Variants in CNTN4 observed in about 807,000 individuals in gnomAD.
CNTN4 encodes the protein contactin 4, also known as contactin-4.
CNTN4 carries 77 observed loss-of-function variants against 122.5 expected under a neutral mutation model. The ratio of observed to expected loss-of-function variants is 0.63; its 90% CI spans 0.52 to 0.76. CNTN4 has a LOEUF of 0.76. Among genes scored for constraint, CNTN4 ranks in the 30% least tolerant of loss-of-function variants. The probability of loss-of-function intolerance (pLI) is 0.00; values close to 1 mark genes in which losing one functional copy is unlikely to be tolerated. For synonymous variants in CNTN4, 512 were observed against 447.0 expected (o/e 1.15, Z -1.83); for missense variants, 1,256 against 1,259.1 (o/e 1.00, Z 0.04).
intron 7 of CNTN4, among the ~76,000 whole-genome samples, chr3:2,848,479 T>C (rs2093492910): frequency 6.6e-6 from 1 of 152,246 alleles, no homozygotes; most frequent in Non-Finnish European, 1.5e-5. Context: ...GTTAAGATTA[T>C]GTAATACTCT....
In CNTN4 at chr3:2,112,153, T is replaced by C. The variant is rs148446512; in HGVS notation, c.-145+11514T>C. On this transcript the variant is annotated intron_variant, in intron 2 of 24. Transcript: ENST00000418658. ...GTTTTGGCTATGGTCAAGAATCTTA[T>C]TTATTAGAAAGAATGAATTACTGAA... Among the ~76,000 whole-genome samples, 19 of 152,228 alleles carry C rather than the reference T, an allele frequency of 1.2e-4. No individual in the cohort carries two copies. In the East Asian group the frequency reaches 3.5e-3, roughly 28 times the overall value.
At chr3:2,755,505 A>C (rs1435620906) in intron 6 of CNTN4, among the ~76,000 whole-genome samples, 3 of 152,224 alleles carry the variant, frequency 2.0e-5, no homozygotes, top group African/African-American at 7.2e-5. Flanking sequence ...TGAAATAATG[A>C]TAGTTTCTGC....
chr3:2,152,319 A>G (rs1391644685), intron 2 of CNTN4, among the ~76,000 whole-genome samples: 6 of 152,180 alleles, frequency 3.9e-5, no homozygotes, highest in African/African-American at 1.4e-4. Flanking sequence ...GAGAAGTGAT[A>G]AGAGGTGGCA....
At chr3:2,182,870 A>C (rs1308443144) in intron 2 of CNTN4, among the ~76,000 whole-genome samples, 6 of 151,996 alleles carry the variant, frequency 3.9e-5, no homozygotes, top group Non-Finnish European at 7.4e-5. Flanking sequence ...TTCAACTTAA[A>C]ATGACTGTTC....
rs145365465 is a variant in CNTN4 at position 2,657,230 on chromosome 3, C to G, written c.56-78985C>G. Among the ~76,000 whole-genome samples, 448 of 152,272 alleles carry G rather than the reference C, an allele frequency of 2.9e-3. 3 individuals carry two copies. The highest frequency in any genetic ancestry group is 0.01 in the African/African-American group (424 of 41,562). On this transcript the variant is annotated intron_variant, in intron 4 of 24. Transcript: ENST00000418658. ...AAAACTAAATAAAAATGACCTCTAG[C>G]TTCGAGGCACTTATTGGAAACCTAT...
chr3:2,668,053 C>T (rs1001629834), intron 4 of CNTN4, among the ~76,000 whole-genome samples: 2 of 152,000 alleles, frequency 1.3e-5, no homozygotes, highest in Non-Finnish European at 2.9e-5. Context: ...TCTTTTGACT[C>T]AGGATTGTCT....
chr3:2,406,303 A>T (rs552222684), intron 3 of CNTN4, among the ~76,000 whole-genome samples: 30 of 152,284 alleles, frequency 2.0e-4, no homozygotes, highest in Middle Eastern at 3.4e-3. Flanking sequence ...ACACAGTGAG[A>T]AGGGCACATC....
At position 2,369,340 on chromosome 3, in the gene CNTN4, C is replaced by A. The variant is rs181841012; in HGVS notation, c.-89+30107C>A. Among the ~76,000 whole-genome samples the A allele has an allele frequency of 2.0e-5, 3 of 152,316 alleles. No homozygotes were observed. In the East Asian group the frequency reaches 5.8e-4, roughly 29 times the overall value. On this transcript the variant is annotated intron_variant, in intron 3 of 24. Transcript: ENST00000418658. Reference sequence around the variant, plus strand: ...ACAGGTGAGAGTAGGACTTTCCCCTCTCACTGTGCTAATCATATTACTATC... The same window carrying A: ...ACAGGTGAGAGTAGGACTTTCCCCTATCACTGTGCTAATCATATTACTATC...
Position 2,212,522 on chromosome 3 carries a change from A to G in CNTN4, c.-145+111883A>G, listed in dbSNP as rs567175180. Among the ~76,000 whole-genome samples, 9 of 152,242 alleles carry G rather than the reference A, an allele frequency of 5.9e-5. No individual in the cohort carries two copies. The South Asian group carries it at 1.9e-3, about 32-fold the overall frequency. ...CAGGGGATCTCCTATTTATAAAACC[A>G]TCAGATCTCATGAGACTTACTACCA... On this transcript the variant is annotated intron_variant, in intron 2 of 24. Coordinates refer to ENST00000418658, the MANE Select transcript of CNTN4 (RefSeq NM_175607.3).
chr3:3,018,540 TG>T (rs1027953703), intron 14 of CNTN4, among the ~76,000 whole-genome samples: 3 of 152,182 alleles, frequency 2.0e-5, no homozygotes, highest in Admixed American at 6.5e-5. Flanking sequence ...GACATGGCTG[TG>T]GGTGGGTATA....
At chr3:2,695,691 A>G (rs2085990833) in intron 4 of CNTN4, among the ~76,000 whole-genome samples, 1 of 152,212 alleles carries the variant, frequency 6.6e-6, no homozygotes, top group Non-Finnish European at 1.5e-5. Flanking sequence ...GGAGAAAACA[A>G]TCACTTTGTC....
chr3:3,040,436 C>A, intron 20 of CNTN4, 165 bp downstream of exon 20: 2 of 668,398 alleles, frequency 3.0e-6, no homozygotes, highest in Admixed American at 2.1e-5. Context: ...CACCATGAAT[C>A]TCTTGAAAAG....
At chr3:2,713,634 G>A (rs1442844732) in intron 4 of CNTN4, among the ~76,000 whole-genome samples, 1 of 152,110 alleles carries the variant, frequency 6.6e-6, no homozygotes, top group African/African-American at 2.4e-5. Context: ...AACCACAGGA[G>A]GAGATTAGAA....
At chr3:2,445,017 A>C (rs1331544280) in intron 3 of CNTN4, among the ~76,000 whole-genome samples, 1 of 151,294 alleles carries the variant, frequency 6.6e-6, no homozygotes, top group Non-Finnish European at 1.5e-5. Context: ...AAAAAAATCT[A>C]TCTCTCTATC....
chr3:2,554,538 C>T (rs573821879), intron 3 of CNTN4, among the ~76,000 whole-genome samples: 4 of 151,636 alleles, frequency 2.6e-5, no homozygotes, highest in Non-Finnish European at 5.9e-5. Flanking sequence ...AGCTTGAGAA[C>T]AGAAAAAAAA....
At chr3:2,567,778 C>T (rs1054045625) in intron 3 of CNTN4, among the ~76,000 whole-genome samples, 1 of 152,064 alleles carries the variant, frequency 6.6e-6, no homozygotes, top group Non-Finnish European at 1.5e-5. Context: ...CTCAGAATGG[C>T]CTTCCTCCCT....
At chr3:2,433,635 T>C (rs771243153) in intron 3 of CNTN4, among the ~76,000 whole-genome samples, 1 of 152,206 alleles carries the variant, frequency 6.6e-6, no homozygotes, top group Middle Eastern at 3.2e-3. Context: ...TGCAGTCCCA[T>C]TTCTTTATTT....
chr3:2,217,651 G>A (rs929866290), intron 2 of CNTN4, among the ~76,000 whole-genome samples: 1 of 150,564 alleles, frequency 6.6e-6, no homozygotes, highest in Non-Finnish European at 1.5e-5. Flanking sequence ...AGAGAATATC[G>A]CAAAACCAAA....
At chr3:2,907,504 C>T (rs906589510) in intron 12 of CNTN4, among the ~76,000 whole-genome samples, 4 of 147,728 alleles carry the variant, frequency 2.7e-5, no homozygotes, top group Admixed American at 6.9e-5. Context: ...ACCCGGGAGG[C>T]AAAGGTTGCA....
Sources: allele counts gnomAD v4.1 joint callset (sites outside exome capture counted in the v4.1 genomes callset), GRCh38; gene constraint gnomAD v4.1.1; transcripts MANE v1.5; gene names NCBI Gene and HGNC (gene_info 2026-07-23, HGNC 2026-07-21).